DCAF8L2: variants seen among roughly 807,000 people sequenced by gnomAD.
DCAF8L2 encodes DDB1- and CUL4-associated factor 8-like protein 2.
For missense variants in DCAF8L2, 430 were observed against 490.7 expected (o/e 0.88, Z 1.17); for synonymous variants, 200 against 190.9 (o/e 1.05, Z -0.39).
At chrX:27,518,107 G>T in the DCAF8L2 span, 1 of 914,111 alleles carries the variant, frequency 1.1e-6, no homozygotes, top group Non-Finnish European at 1.6e-6. Flanking sequence ...ATTAATTCAA[G>T]AAATAACCCA....
chrX:27,568,980 C>T, the DCAF8L2 span, among the ~76,000 whole-genome samples: 1 of 66,847 alleles, frequency 1.5e-5, no homozygotes, highest in Admixed American at 1.9e-4. Context: ...CACACACACA[C>T]ACACACACAC....
chrX:27,507,681 C>G, the DCAF8L2 span, among the ~76,000 whole-genome samples: 1 of 111,327 alleles, frequency 9.0e-6, no homozygotes, highest in Non-Finnish European at 1.9e-5. Context: ...GGGATAATAA[C>G]AGTAATTACA....
chrX:27,620,623 C>G (rs894538150), intron 1 of DCAF8L2, among the ~76,000 whole-genome samples: 9 of 109,604 alleles, frequency 8.2e-5, no homozygotes, highest in African/African-American at 2.3e-4. Context: ...TGATGTAATA[C>G]TTCATACTCA....
At chrX:27,506,953 A>G in the DCAF8L2 span, among the ~76,000 whole-genome samples, 76 of 106,991 alleles carry the variant, frequency 7.1e-4, no homozygotes, top group East Asian at 0.018. Context: ...GGGGGACACA[A>G]TTCTTCCTAT....
chrX:27,689,960 A>G (rs1331991396), intron 3 of DCAF8L2, among the ~76,000 whole-genome samples: 2 of 111,936 alleles, frequency 1.8e-5, no homozygotes, highest in East Asian at 2.8e-4. Context: ...GAATTAGGCT[A>G]TTATAGTCCT....
chrX:27,641,920 G>A (rs187000418), intron 2 of DCAF8L2, among the ~76,000 whole-genome samples: 1 of 108,676 alleles, frequency 9.2e-6, no homozygotes, highest in East Asian at 2.9e-4. Context: ...ATGGAGTCTC[G>A]CTCTGTCGCC....
chrX:27,551,214 G>A, the DCAF8L2 span, among the ~76,000 whole-genome samples: 2 of 109,162 alleles, frequency 1.8e-5, no homozygotes, highest in African/African-American at 6.7e-5. Context: ...TCAAATGAAA[G>A]GAAGAGTCAA....
At chrX:27,472,617 C>A in the DCAF8L2 span, among the ~76,000 whole-genome samples, 1 of 111,320 alleles carries the variant, frequency 9.0e-6, no homozygotes, top group Non-Finnish European at 1.9e-5. Context: ...TGTTCAGCTT[C>A]CACTTATGAG....
At chrX:27,637,479 C>T (rs192970131) in intron 2 of DCAF8L2, among the ~76,000 whole-genome samples, 56 of 111,875 alleles carry the variant, frequency 5.0e-4, no homozygotes, top group Non-Finnish European at 9.4e-4. Flanking sequence ...ATGTTCTTTC[C>T]ACCTTTGGGC....
chrX:27,593,712 C>T (rs904675581), intron 1 of DCAF8L2, among the ~76,000 whole-genome samples: 8 of 111,912 alleles, frequency 7.1e-5, no homozygotes, highest in African/African-American at 1.9e-4. Flanking sequence ...GGACCCTGGG[C>T]GATGCGAGGT....
At chrX:27,580,806 A>C in the DCAF8L2 span, among the ~76,000 whole-genome samples, 2 of 112,023 alleles carry the variant, frequency 1.8e-5, no homozygotes, top group Non-Finnish European at 3.8e-5. Context: ...TGCTGTTAAA[A>C]ATACTGTTTT....
intron 1 of DCAF8L2, among the ~76,000 whole-genome samples, chrX:27,614,151 G>A (rs372828799): frequency 9.0e-6 from 1 of 110,579 alleles, no homozygotes. Context: ...GTCTATTCAG[G>A]GATTCAACTT....
At chrX:27,486,563 A>T in the DCAF8L2 span, among the ~76,000 whole-genome samples, 6 of 111,880 alleles carry the variant, frequency 5.4e-5, no homozygotes, top group East Asian at 1.7e-3. Flanking sequence ...ATGATTTTTT[A>T]TAAATTAATG....
At chrX:27,657,735 C>T (rs763696632) in intron 2 of DCAF8L2, among the ~76,000 whole-genome samples, 1 of 111,868 alleles carries the variant, frequency 8.9e-6, no homozygotes, top group Non-Finnish European at 1.9e-5. Context: ...AACCATAGGC[C>T]AATTAATGAA....
At chrX:27,744,851 T>A (rs998921428) in intron 4 of DCAF8L2, among the ~76,000 whole-genome samples, 1 of 112,166 alleles carries the variant, frequency 8.9e-6, no homozygotes, top group Non-Finnish European at 1.9e-5. Context: ...CCTTCTGCCA[T>A]GATTAAAGCT....
chrX:27,688,199 C>T (rs1469602123), intron 3 of DCAF8L2, among the ~76,000 whole-genome samples: 1 of 111,718 alleles, frequency 9.0e-6, no homozygotes, highest in Non-Finnish European at 1.9e-5. Context: ...AGAATGGGCT[C>T]ATGATGATGA....
chrX:27,512,590 A>C, the DCAF8L2 span, among the ~76,000 whole-genome samples: 192 of 105,421 alleles, frequency 1.8e-3, no homozygotes, highest in African/African-American at 6.6e-3. Context: ...AGGCTGAGGC[A>C]GGAGAATCCC....
chrX:27,568,204 A>T, the DCAF8L2 span, among the ~76,000 whole-genome samples: 21 of 110,607 alleles, frequency 1.9e-4, no homozygotes, highest in Admixed American at 4.8e-4. Context: ...ATAACCTAAA[A>T]TTTTTTTTTG....
chrX:27,628,321 C>T (rs1474732680), intron 1 of DCAF8L2, among the ~76,000 whole-genome samples: 3 of 111,460 alleles, frequency 2.7e-5, no homozygotes, highest in Non-Finnish European at 5.7e-5. Context: ...TTATCTTTAT[C>T]CATTCATGAG....
Sources: gnomAD v4.1 joint callset for allele counts (sites outside exome capture counted in the v4.1 genomes callset) on GRCh38, gnomAD v4.1.1 for gene constraint, MANE v1.5 for transcripts, NCBI Gene and HGNC (gene_info 2026-07-23, HGNC 2026-07-21) for gene names.